Variants in SPARC observed in about 807,000 individuals in gnomAD.
The protein encoded by SPARC is secreted protein acidic and cysteine rich, also known as basement-membrane protein 40.
In SPARC, 23 loss-of-function variants were observed where a neutral mutation model predicts 37.7. The ratio of observed to expected loss-of-function variants is 0.61; its 90% CI spans 0.44 to 0.87. The LOEUF (loss-of-function observed/expected upper bound fraction) is 0.87, where lower values mean the gene tolerates loss of function less well. Ranked by LOEUF, SPARC falls within the 40% of genes least tolerant of loss-of-function variation. SPARC has a pLI of 0.00. For synonymous variants in SPARC, 155 were observed against 150.8 expected, an observed-to-expected ratio of 1.03 and a Z score of -0.20; for missense variants, 312 against 389.0, an observed-to-expected ratio of 0.80 and a Z score of 1.66.
At chr5:151,670,880 T>C (rs1305266819) in intron 5 of SPARC, among the ~76,000 whole-genome samples, 2 of 152,070 alleles carry the variant, frequency 1.3e-5, no homozygotes, top group East Asian at 3.9e-4. Flanking sequence ...CTATGTAGTC[T>C]CTGGAGAAAC....
chr5:151,671,547 C>A, intron 5 of SPARC, 26 bp downstream of exon 5: 1 of 1,544,996 alleles, frequency 6.5e-7, no homozygotes, highest in Non-Finnish European at 8.7e-7. Context: ...AATCCCTTCC[C>A]CCTGCCCCTG....
chr5:151,685,139 T>G (rs987250449), intron 1 of SPARC: 1 of 152,082 alleles, frequency 6.6e-6, no homozygotes, highest in African/African-American at 2.4e-5. Flanking sequence ...TTGGAGAAAG[T>G]TTCAAAAGTT....
intron 3 of SPARC, 151 bp from the exon 4 acceptor site, chr5:151,673,367 T>C: frequency 1.5e-6 from 1 of 669,450 alleles, no homozygotes; most frequent in South Asian, 1.7e-5. Context: ...GCAGTATGCC[T>C]GGGATTCTGT....
At chr5:151,680,884 T>C (rs1760973802) in intron 1 of SPARC, among the ~76,000 whole-genome samples, 1 of 152,146 alleles carries the variant, frequency 6.6e-6, no homozygotes, top group Non-Finnish European at 1.5e-5. Context: ...AGAATCTCCA[T>C]CCCCCGAAAG....
rs145378172 is a variant in SPARC at position 151,671,020 on chromosome 5, T to C, written c.330+553A>G. Reference sequence around the variant, plus strand: ...CTCAAAAAATATTTACTTGGACGGATGGATGGATCCTATTGGAGAGAAGGG... The same window carrying C: ...CTCAAAAAATATTTACTTGGACGGACGGATGGATCCTATTGGAGAGAAGGG... On this transcript the variant is annotated intron_variant, in intron 5 of 9. Transcript: ENST00000231061. Among the ~76,000 whole-genome samples, 618 of 152,300 alleles carry C rather than the reference T, an allele frequency of 4.1e-3. 1 individual carries two copies. The highest frequency in any genetic ancestry group is 0.014 in the African/African-American group (588 of 41,558).
At chr5:151,679,069 C>T (rs1760925546) in intron 1 of SPARC, 2 of 152,262 alleles carry the variant, frequency 1.3e-5, no homozygotes, top group South Asian at 4.1e-4. Context: ...GCATTCAGAA[C>T]TCACAGCTGT....
At chr5:151,673,455 C>G (rs1482984673) in intron 3 of SPARC, among the ~76,000 whole-genome samples, 1 of 152,082 alleles carries the variant, frequency 6.6e-6, no homozygotes, top group Non-Finnish European at 1.5e-5. Flanking sequence ...CCCAAAATCA[C>G]TAAGCTAAGG....
At chr5:151,668,142 T>A (rs2113089988) in intron 6 of SPARC, among the ~76,000 whole-genome samples, 1 of 139,712 alleles carries the variant, frequency 7.2e-6, no homozygotes, top group Non-Finnish European at 1.5e-5. Context: ...TTCTTTTCTT[T>A]TTTCTTTTTT....
intron 1 of SPARC, among the ~76,000 whole-genome samples, chr5:151,682,221 G>A (rs1761010633): frequency 6.6e-6 from 1 of 152,098 alleles, no homozygotes; most frequent in Admixed American, 6.5e-5. Flanking sequence ...AGAGCTTCTG[G>A]GGCAACTCAG....
intron 1 of SPARC, chr5:151,676,965 A>C (rs1760871483): frequency 1.3e-5 from 2 of 152,222 alleles, no homozygotes; most frequent in Non-Finnish European, 2.9e-5. Flanking sequence ...GCACTTCTTT[A>C]GGTCCTGTAC....
At chr5:151,678,178 G>A (rs1254283968) in intron 1 of SPARC, among the ~76,000 whole-genome samples, 1 of 152,214 alleles carries the variant, frequency 6.6e-6, no homozygotes, top group African/African-American at 2.4e-5. Flanking sequence ...TATAATGACA[G>A]GGAAGTCATG....
chr5:151,665,652 C>T (rs1760604005), intron 8 of SPARC, among the ~76,000 whole-genome samples: 4 of 152,174 alleles, frequency 2.6e-5, no homozygotes, highest in Admixed American at 2.6e-4. Flanking sequence ...ACTTCATCAC[C>T]ACAAGAGAAG....
intron 4 of SPARC, 179 bp from the exon 5 acceptor site, chr5:151,671,873 G>T (rs187836397): frequency 5.7e-6 from 4 of 704,136 alleles, no homozygotes; most frequent in Admixed American, 6.8e-5. Context: ...TAGGGCAGCA[G>T]CTGGTTCAGC....
chr5:151,676,335 G>T, intron 1 of SPARC, 134 bp from the exon 2 acceptor site: 1 of 625,898 alleles, frequency 1.6e-6, no homozygotes, highest in Non-Finnish European at 2.8e-6. Context: ...GAGGAGGTTG[G>T]TTCCATTTAA....
chr5:151,665,885 G>T (rs1218774672), intron 8 of SPARC, among the ~76,000 whole-genome samples: 1 of 152,342 alleles, frequency 6.6e-6, no homozygotes, highest in East Asian at 1.9e-4. Context: ...CAAACTGGGG[G>T]CTTGCAAAAT....
chr5:151,670,109 A>G (rs1477900904), intron 5 of SPARC, among the ~76,000 whole-genome samples: 1 of 152,234 alleles, frequency 6.6e-6, no homozygotes, highest in Non-Finnish European at 1.5e-5. Context: ...AAGAGTGTTC[A>G]AAGAAGAGTT....
At chr5:151,666,154 C>G (rs1760614276) in intron 8 of SPARC, among the ~76,000 whole-genome samples, 1 of 152,250 alleles carries the variant, frequency 6.6e-6, no homozygotes, top group Non-Finnish European at 1.5e-5. Flanking sequence ...CTCCTACTGA[C>G]TTTCACCTCA....
chr5:151,668,355 G>A (rs773109003), intron 6 of SPARC, among the ~76,000 whole-genome samples: 13 of 152,010 alleles, frequency 8.6e-5, no homozygotes, highest in Non-Finnish European at 1.2e-4. Flanking sequence ...GTTTTGCCAC[G>A]TTGCCCAGAC....
intron 1 of SPARC, among the ~76,000 whole-genome samples, chr5:151,678,034 T>G (rs1487148871): frequency 2.0e-5 from 3 of 152,174 alleles, no homozygotes; most frequent in Non-Finnish European, 4.4e-5. Context: ...AAATAACTCC[T>G]GCATGTGGCT....
Sources: allele counts gnomAD v4.1 joint callset (sites outside exome capture counted in the v4.1 genomes callset), GRCh38; gene constraint gnomAD v4.1.1; transcripts MANE v1.5; gene names NCBI Gene and HGNC (gene_info 2026-07-23, HGNC 2026-07-21).